EIF4G2: variants seen among roughly 807,000 people sequenced by gnomAD.
EIF4G2 encodes eukaryotic translation initiation factor 4 gamma 2, also known as DAP-5.
EIF4G2 carries 8 observed loss-of-function variants against 117.7 expected under a neutral mutation model. The ratio of observed to expected loss-of-function variants is 0.07; its 90% CI spans 0.04 to 0.12. The LOEUF (loss-of-function observed/expected upper bound fraction) is 0.12, where lower values mean the gene tolerates loss of function less well. Ranked by LOEUF, EIF4G2 falls within the 10% of genes least tolerant of loss-of-function variation. The pLI is 1.00. For synonymous variants in EIF4G2, 413 were observed against 367.8 expected (o/e 1.12, Z -1.41); for missense variants, 812 against 1,086.2 (o/e 0.75, Z 3.55).
intron 5 of EIF4G2, 144 bp from the exon 6 acceptor site, chr11:10,804,562 C>T: frequency 9.5e-7 from 1 of 1,050,174 alleles, no homozygotes; most frequent in South Asian, 1.9e-5. Context: ...TCACATCCAT[C>T]TCCTGGGAGT....
chr11:10,806,205 C>T, intron 3 of EIF4G2, 158 bp from the exon 4 acceptor site: 1 of 963,370 alleles, frequency 1.0e-6, no homozygotes, highest in African/African-American at 1.6e-5. Context: ...TAGTGTGCAT[C>T]AGAATCACCT....
At position 10,803,717 on chromosome 11, in the gene EIF4G2, C is replaced by T; in HGVS notation, c.703-127G>A. ...ACAGAATCTAGTATAGGGCTTTCTA[C>T]CAGTCTGGTTGATCAGTTCTAACTC... On this transcript the variant is annotated intron_variant, in intron 8 of 21. Transcript: ENST00000339995. The surrounding 1 kb of genome is among the most constrained non-coding windows in gnomAD (Gnocchi z 4.0). 2.7e-6 allele frequency: 3 copies of T among 1,110,830 alleles called. No individual in the cohort carries two copies. Among genetic ancestry groups the T allele is most frequent in the Non-Finnish European group, 3.9e-6 (3 of 767,896 alleles). The allele number at this position is 1,110,830 out of a possible 1,614,324, so 68.8% of individuals were successfully genotyped here.
chr11:10,798,151 A>C (rs542436822), intron 21 of EIF4G2, among the ~76,000 whole-genome samples: 15 of 152,196 alleles, frequency 9.9e-5, no homozygotes, highest in Non-Finnish European at 2.2e-4. Context: ...ATGTTTCTCA[A>C]GCCTGGGCCC....
In EIF4G2 at chr11:10,797,920, A is replaced by G. The variant is rs1374387947; in HGVS notation, c.2659-39T>C. The G allele has an allele frequency of 6.3e-6, 10 of 1,596,460 alleles. No homozygotes were observed. The highest frequency in any genetic ancestry group is 4.4e-5 in the South Asian group (4 of 90,340). On this transcript the variant is annotated intron_variant, in intron 21 of 21. Coordinates refer to ENST00000339995, the MANE Select transcript of EIF4G2 (RefSeq NM_001418.4). This position sits in a 1 kb window ranked among gnomAD's most constrained non-coding sequence, Gnocchi z 4.5. Reference sequence around the variant, plus strand: ...TTTGTAAATTAAAATAGTTCATGATATAAACAGAAATCCATCCAAAAAGTT... The same window carrying G: ...TTTGTAAATTAAAATAGTTCATGATGTAAACAGAAATCCATCCAAAAAGTT...
intron 1 of EIF4G2, chr11:10,807,901 G>A (rs1847633278): frequency 2.0e-6 from 2 of 1,012,130 alleles, no homozygotes; most frequent in African/African-American, 1.7e-5. Flanking sequence ...GAAGACCAGG[G>A]CCACAACATG....
chr11:10,808,678 C>G (rs1847669284), intron 1 of EIF4G2, 27 bp downstream of exon 1: 1 of 231,392 alleles, frequency 4.3e-6, no homozygotes, highest in Admixed American at 6.5e-5. Context: ...GAGCGCTCCA[C>G]TCGGCGGCGG....
rs188433382 is a variant in EIF4G2, at chr11:10,802,530, T to C, written c.997-95A>G. 5 of 1,403,966 alleles carry C rather than the reference T, an allele frequency of 3.6e-6. No homozygotes were observed. In the East Asian group the frequency reaches 9.7e-5, roughly 27 times the overall value. The allele number at this position is 1,403,966 out of a possible 1,614,324, so 87.0% of individuals were successfully genotyped here. A position where few individuals can be genotyped will look rare whatever the true frequency, so the allele number is the denominator to read the frequency against. Reference sequence around the variant, plus strand: ...AACTAGGGGGGGAAACCTAGAATATTAAACCATAATTTATGTTATTTCTGT... The same window carrying C: ...AACTAGGGGGGGAAACCTAGAATATCAAACCATAATTTATGTTATTTCTGT... On this transcript the variant is annotated intron_variant, in intron 11 of 21. Transcript: ENST00000339995.
chr11:10,803,645 A>G lies in EIF4G2; in HGVS notation c.703-55T>C, dbSNP rs1847487134. On this transcript the variant is annotated intron_variant, in intron 8 of 21. Transcript: ENST00000339995. The surrounding 1 kb of genome is among the most constrained non-coding windows in gnomAD (Gnocchi z 4.0). ...GTTTTAGTTACTCTGGTTTAGGCGT[A>G]GTACTTTCTTTCCCTTTATGTTTGC... The G allele has an allele frequency of 1.4e-6, 2 of 1,464,488 alleles. No homozygotes were observed. Among genetic ancestry groups the G allele is most frequent in the Non-Finnish European group, 1.9e-6 (2 of 1,051,390 alleles). 90.7% of individuals were successfully genotyped at this position (1,464,488 alleles called of 1,614,324 possible). A position where few individuals can be genotyped will look rare whatever the true frequency, so the allele number is the denominator to read the frequency against.
chr11:10,797,537 A>G lies in EIF4G2; in HGVS notation c.*279T>C, dbSNP rs1847291609. On this transcript the variant is annotated 3_prime_UTR_variant, in exon 22 of 22. Transcript: ENST00000339995. The surrounding 1 kb of genome is among the most constrained non-coding windows in gnomAD (Gnocchi z 4.5). Reference sequence around the variant, plus strand: ...ACTGGCAGCAAAGAAGGTCCTTGCAATAGACTGCCTCTGCTTGAGAACTTA... The same window carrying G: ...ACTGGCAGCAAAGAAGGTCCTTGCAGTAGACTGCCTCTGCTTGAGAACTTA... 1 of 370,992 alleles carries G rather than the reference A, an allele frequency of 2.7e-6. No individual in the cohort carries two copies. The highest frequency in any genetic ancestry group is 4.9e-6 in the Non-Finnish European group (1 of 203,820). 23.0% of individuals were successfully genotyped at this position (370,992 alleles called of 1,614,324 possible). A position where few individuals can be genotyped will look rare whatever the true frequency, so the allele number is the denominator to read the frequency against.
chr11:10,805,816 T>C (rs1191463592), intron 4 of EIF4G2, 91 bp downstream of exon 4: 6 of 1,571,334 alleles, frequency 3.8e-6, no homozygotes, highest in Non-Finnish European at 5.3e-6. Context: ...ACTCTGGGCA[T>C]GAACCTTGCC....
chr11:10,808,917 C>CA lies in EIF4G2; in HGVS notation c.-300dup, dbSNP rs1446583723. The CA allele has an allele frequency of 1.3e-5, 2 of 154,696 alleles. No individual in the cohort carries two copies. Among genetic ancestry groups the CA allele is most frequent in the African/African-American group, 4.8e-5 (2 of 41,470 alleles). The allele number at this position is 154,696 out of a possible 1,614,324, so 9.6% of individuals were successfully genotyped here. On this transcript the variant is annotated 5_prime_UTR_variant, in exon 1 of 22. Transcript: ENST00000339995. ...CTGCCACCTCCATAGAGCTCCGACT[C>CA]ACTGCTGGCGCTAAGGCGTGTCTGA...
Position 10,797,473 on chromosome 11 carries a change from G to T in EIF4G2, c.*343C>A. The T allele has an allele frequency of 4.1e-6, 1 of 245,458 alleles. No individual in the cohort carries two copies. Among genetic ancestry groups the T allele is most frequent in the Non-Finnish European group, 8.0e-6 (1 of 125,474 alleles). 15.2% of individuals were successfully genotyped at this position (245,458 alleles called of 1,614,324 possible). A position where few individuals can be genotyped will look rare whatever the true frequency, so the allele number is the denominator to read the frequency against. ...AAAGTGCATTTCTACAGTATTCAGT[G>T]TTGCTATTCAGTTTTCTAACTTAAA... On this transcript the variant is annotated 3_prime_UTR_variant, in exon 22 of 22. Transcript: ENST00000339995. The surrounding 1 kb of genome is among the most constrained non-coding windows in gnomAD (Gnocchi z 4.5).
chr11:10,807,721 G>A (rs1847625120), intron 1 of EIF4G2: 1 of 992,432 alleles, frequency 1.0e-6, no homozygotes, highest in Non-Finnish European at 1.2e-6. Context: ...CGTGGAAAAT[G>A]TCTGCCCTAG....
intron 19 of EIF4G2, 57 bp downstream of exon 19, chr11:10,799,495 T>A: frequency 6.2e-7 from 1 of 1,609,502 alleles, no homozygotes; most frequent in Non-Finnish European, 8.5e-7. Flanking sequence ...CTTAGTCTCC[T>A]ACGCTTCTTT....
rs1472824561 is a variant in EIF4G2, at chr11:10,801,529, G to C, written c.1413+132C>G. 6 of 876,848 alleles carry C rather than the reference G, an allele frequency of 6.8e-6. No homozygotes were observed. In the Admixed American group the frequency reaches 1.0e-4, roughly 15 times the overall value. The allele number at this position is 876,848 out of a possible 1,614,324, so 54.3% of individuals were successfully genotyped here. A position where few individuals can be genotyped will look rare whatever the true frequency, so the allele number is the denominator to read the frequency against. ...TGGACATTCAAAGAAAGAAAAAGAA[G>C]TATAGAAAAGAGAGAAAAACGTCAA... On this transcript the variant is annotated intron_variant, in intron 14 of 21. Coordinates refer to ENST00000339995, the MANE Select transcript of EIF4G2 (RefSeq NM_001418.4).
chr11:10,805,519 C>A (rs183329238), intron 4 of EIF4G2, among the ~76,000 whole-genome samples: 14 of 151,908 alleles, frequency 9.2e-5, no homozygotes, highest in Non-Finnish European at 1.8e-4. Flanking sequence ...GGCGTGATCT[C>A]GGCTCACTGC....
rs1448671765 is a variant in EIF4G2 at position 10,803,424 on chromosome 11, A to G, written c.813+56T>C. 1 of 1,579,352 alleles carries G rather than the reference A, an allele frequency of 6.3e-7. No homozygotes were observed. The highest frequency in any genetic ancestry group is 1.3e-5 in the African/African-American group (1 of 74,092). On this transcript the variant is annotated intron_variant, in intron 9 of 21. Coordinates refer to ENST00000339995, the MANE Select transcript of EIF4G2 (RefSeq NM_001418.4). The surrounding 1 kb of genome is among the most constrained non-coding windows in gnomAD (Gnocchi z 4.0). Reference sequence around the variant, plus strand: ...AATCCCTTATGATGTCACAAAAATCAATAGCTTGATTTAAAGACAAACTAC... The same window carrying G: ...AATCCCTTATGATGTCACAAAAATCGATAGCTTGATTTAAAGACAAACTAC...
At position 10,805,028 on chromosome 11, in the gene EIF4G2, G is replaced by A. The variant is rs531231964; in HGVS notation, c.249-13C>T. ...CTTATTTAGTATGCTGGAGAAAAAG[G>A]AATTACATTTTAAGTGTTAGCTAAT... On this transcript the variant is annotated splice_polypyrimidine_tract_variant and intron_variant, in intron 4 of 21. Coordinates refer to ENST00000339995, the MANE Select transcript of EIF4G2 (RefSeq NM_001418.4). 1.0e-4 allele frequency: 166 copies of A among 1,595,550 alleles called. 1 individual carries two copies. In the South Asian group the frequency reaches 1.2e-3, roughly 12 times the overall value.
chr11:10,803,803 CTGTATT>C lies in EIF4G2; in HGVS notation c.702+90_702+95del, dbSNP rs1261097804. Reference sequence around the variant, plus strand: ...CTGTTTAGTAAATTTTGTTGCACATCTGTATTTAACTAGTCAACCTCCCTCTTAGAT... The same window carrying C: ...CTGTTTAGTAAATTTTGTTGCACATCTAACTAGTCAACCTCCCTCTTAGAT... On this transcript the variant is annotated intron_variant, in intron 8 of 21. Transcript: ENST00000339995. The surrounding 1 kb of genome is among the most constrained non-coding windows in gnomAD (Gnocchi z 4.0). 104 of 1,433,074 alleles carry C rather than the reference CTGTATT, an allele frequency of 7.3e-5. No homozygotes were observed. Among genetic ancestry groups the C allele is most frequent in the Non-Finnish European group, 4.7e-6 (5 of 1,055,600 alleles). The allele number at this position is 1,433,074 out of a possible 1,614,324, so 88.8% of individuals were successfully genotyped here.
Sources: allele counts gnomAD v4.1 joint callset (sites outside exome capture counted in the v4.1 genomes callset), GRCh38; gene constraint gnomAD v4.1.1; non-coding constraint Gnocchi (gnomAD v3.1); transcripts MANE v1.5; gene names NCBI Gene and HGNC (gene_info 2026-07-23, HGNC 2026-07-21).